The following KIAA1549 variants were observed in gnomAD, a reference collection of about 807,000 sequenced individuals.
KIAA1549 encodes KIAA1549.
KIAA1549 carries 70 observed loss-of-function variants against 156.4 expected under a neutral mutation model. The ratio of observed to expected loss-of-function variants is 0.45; its 90% CI spans 0.37 to 0.55. The LOEUF is 0.55. KIAA1549 is among the 20% of genes least tolerant of loss of function. The pLI, the probability that KIAA1549 is intolerant of heterozygous loss-of-function variation, is 0.00. For synonymous variants in KIAA1549, 1,103 were observed against 1,066.4 expected, an observed-to-expected ratio of 1.03 and a Z score of -0.67; for missense variants, 2,428 against 2,540.9, an observed-to-expected ratio of 0.96 and a Z score of 0.96.
At position 138,833,628 on chromosome 7, in the gene KIAA1549, AG is replaced by A. The variant is rs1809607243; in HGVS notation, c.*4277del. 4.3e-6 allele frequency: 1 copy of A among 232,556 alleles called. No individual in the cohort carries two copies. The highest frequency in any genetic ancestry group is 2.2e-5 in the African/African-American group (1 of 45,388). The allele number at this position is 232,556 out of a possible 1,614,324, so 14.4% of individuals were successfully genotyped here. A position where few individuals can be genotyped will look rare whatever the true frequency, so the allele number is the denominator to read the frequency against. On this transcript the variant is annotated 3_prime_UTR_variant, in exon 20 of 20. Transcript: ENST00000422774. ...AAAATTTGGAGAAAAATGTGTAGGTAGCAGTAAAGAAGCTGAATATATATAT... is the reference window on the plus strand; with the variant it reads ...AAAATTTGGAGAAAAATGTGTAGGTACAGTAAAGAAGCTGAATATATATAT...
chr7:138,845,769 G>A (rs1810056210), intron 17 of KIAA1549, among the ~76,000 whole-genome samples: 1 of 152,144 alleles, frequency 6.6e-6, no homozygotes, highest in Non-Finnish European at 1.5e-5. Context: ...GTGGCAGGCA[G>A]ACAAGTTCCC....
chr7:138,882,435 A>T (rs1436255161), intron 10 of KIAA1549, among the ~76,000 whole-genome samples: 2 of 152,234 alleles, frequency 1.3e-5, no homozygotes, highest in East Asian at 3.8e-4. Context: ...GACAGGTTTC[A>T]TTTCAAACAC....
intron 10 of KIAA1549, among the ~76,000 whole-genome samples, chr7:138,883,934 T>G (rs549372195): frequency 3.3e-5 from 5 of 152,224 alleles, no homozygotes; most frequent in South Asian, 4.1e-4. Context: ...GCTAATGAGT[T>G]GACTGATGAC....
intron 16 of KIAA1549, among the ~76,000 whole-genome samples, chr7:138,858,867 G>A (rs554050703): frequency 7.9e-5 from 12 of 152,110 alleles, no homozygotes; most frequent in East Asian, 5.8e-4. Context: ...TTAGCCAGGC[G>A]AGGTGGCAGG....
At chr7:138,911,833 C>T (rs565751996) in intron 3 of KIAA1549, among the ~76,000 whole-genome samples, 13 of 152,296 alleles carry the variant, frequency 8.5e-5, no homozygotes, top group African/African-American at 2.9e-4. Flanking sequence ...ATTTTCCACC[C>T]ACAGCCCATC....
At chr7:138,880,577 A>G (rs1449662801) in intron 11 of KIAA1549, among the ~76,000 whole-genome samples, 1 of 152,076 alleles carries the variant, frequency 6.6e-6, no homozygotes, top group African/African-American at 2.4e-5. Flanking sequence ...TTTTGCTCTT[A>G]GCAGGAAATC....
chr7:138,933,718 C>A (rs1413747320), intron 1 of KIAA1549, among the ~76,000 whole-genome samples: 9 of 152,242 alleles, frequency 5.9e-5, no homozygotes, highest in Non-Finnish European at 1.3e-4. Flanking sequence ...GTAATCCCAG[C>A]ACTTTCAGAG....
At chr7:138,928,477 G>A (rs986689900) in intron 1 of KIAA1549, among the ~76,000 whole-genome samples, 1 of 151,978 alleles carries the variant, frequency 6.6e-6, no homozygotes, top group Non-Finnish European at 1.5e-5. Context: ...AATAGAGACA[G>A]TGTTTCACCA....
At chr7:138,873,981 T>C (rs1037849420) in intron 12 of KIAA1549, among the ~76,000 whole-genome samples, 5 of 148,314 alleles carry the variant, frequency 3.4e-5, no homozygotes, top group African/African-American at 9.8e-5. Context: ...ACATATTATA[T>C]ATTAGTATAT....
chr7:138,920,003 T>G (rs1318313144), intron 1 of KIAA1549, among the ~76,000 whole-genome samples: 1 of 152,174 alleles, frequency 6.6e-6, no homozygotes, highest in South Asian at 2.1e-4. Context: ...ACACAGTTGC[T>G]GAGGCTTCCA....
In KIAA1549 at chr7:138,904,947, C is replaced by T. The variant is rs1811964671; in HGVS notation, c.3520+75G>A. 4 of 863,636 alleles carry T rather than the reference C, an allele frequency of 4.6e-6. No homozygotes were observed. In the East Asian group the frequency reaches 1.1e-4, roughly 24 times the overall value. 53.5% of individuals were successfully genotyped at this position (863,636 alleles called of 1,614,324 possible). ...CCCTAAATTTAGGAAACAAGAAAGG[C>T]AGCATCATTCTCAATACGCCTGCAT... On this transcript the variant is annotated intron_variant, in intron 7 of 19. Transcript: ENST00000422774.
intron 1 of KIAA1549, among the ~76,000 whole-genome samples, chr7:138,943,728 A>G (rs923215689): frequency 4.6e-5 from 7 of 152,062 alleles, no homozygotes; most frequent in Non-Finnish European, 7.4e-5. Flanking sequence ...GGGCACCTGT[A>G]GTCCCAGCTA....
At chr7:138,867,899 T>C in intron 15 of KIAA1549, 76 bp downstream of exon 15, 2 of 1,506,582 alleles carry the variant, frequency 1.3e-6, no homozygotes, top group South Asian at 1.2e-5. Flanking sequence ...GTGCTGCTGC[T>C]TCTCCTCCCC....
intron 10 of KIAA1549, among the ~76,000 whole-genome samples, chr7:138,887,821 T>A (rs369854138): frequency 2.0e-5 from 3 of 152,166 alleles, no homozygotes; most frequent in Non-Finnish European, 4.4e-5. Flanking sequence ...TCGTTCCACG[T>A]TGGGAAACTG....
chr7:138,972,218 A>G (rs1814240401), intron 1 of KIAA1549, among the ~76,000 whole-genome samples: 1 of 152,148 alleles, frequency 6.6e-6, no homozygotes, highest in South Asian at 2.1e-4. Flanking sequence ...CAACATCCAC[A>G]GAAGTTATTC....
chr7:138,969,655 C>T lies in KIAA1549; in HGVS notation c.187+11428G>A, dbSNP rs146595845. Among the ~76,000 whole-genome samples, 512 of 152,298 alleles carry T rather than the reference C, an allele frequency of 3.4e-3. 3 individuals carry two copies. Among genetic ancestry groups the T allele is most frequent in the African/African-American group, 0.012 (496 of 41,566 alleles). ...TCTCCCAGTCTGGAGTGCAGTGATGCGATCTCAGCTTACTGCAACCTCTGC... is the reference window on the plus strand; with the variant it reads ...TCTCCCAGTCTGGAGTGCAGTGATGTGATCTCAGCTTACTGCAACCTCTGC... On this transcript the variant is annotated intron_variant, in intron 1 of 19. Coordinates refer to ENST00000422774, the MANE Select transcript of KIAA1549 (RefSeq NM_001164665.2).
chr7:138,910,043 G>A (rs1002504744), intron 4 of KIAA1549, among the ~76,000 whole-genome samples: 71 of 152,274 alleles, frequency 4.7e-4, no homozygotes, highest in African/African-American at 1.6e-3. Flanking sequence ...ATGTGTGGGC[G>A]AGATGATACG....
Position 138,905,657 on chromosome 7 carries a change from T to C in KIAA1549, c.3461-576A>G, listed in dbSNP as rs528284286. 5.3e-5 allele frequency among the ~76,000 whole-genome samples: 8 copies of C among 152,336 alleles called. No individual in the cohort carries two copies. In the South Asian group the frequency reaches 6.2e-4, roughly 12 times the overall value. ...CATTAGGCCATTTGGTTGTTTCATT[T>C]TGAAAAAGAATTGGAATTTTTTGGC... On this transcript the variant is annotated intron_variant, in intron 6 of 19. Coordinates refer to ENST00000422774, the MANE Select transcript of KIAA1549 (RefSeq NM_001164665.2).
intron 17 of KIAA1549, among the ~76,000 whole-genome samples, chr7:138,848,408 G>GT (rs1165400442): frequency 6.6e-6 from 1 of 152,164 alleles, no homozygotes; most frequent in Non-Finnish European, 1.5e-5. Context: ...ACCACCTGCT[G>GT]TATCTATTGA....
Sources: gnomAD v4.1 joint callset for allele counts (sites outside exome capture counted in the v4.1 genomes callset) on GRCh38, gnomAD v4.1.1 for gene constraint, MANE v1.5 for transcripts, NCBI Gene and HGNC (gene_info 2026-07-23, HGNC 2026-07-21) for gene names.